Variants in GRID2 observed in about 807,000 individuals in gnomAD.
GRID2 encodes glutamate ionotropic receptor delta type subunit 2.
In GRID2, 33 loss-of-function variants were observed where a neutral mutation model predicts 114.8. The ratio of observed to expected loss-of-function variants is 0.29; its 90% CI spans 0.22 to 0.38. The LOEUF (loss-of-function observed/expected upper bound fraction) is 0.38, where lower values mean the gene tolerates loss of function less well. GRID2 is among the 10% of genes least tolerant of loss of function. GRID2 has a pLI of 1.00. For missense variants in GRID2, 1,184 were observed against 1,257.7 expected, an observed-to-expected ratio of 0.94 and a Z score of 0.89; for synonymous variants, 505 against 449.9, an observed-to-expected ratio of 1.12 and a Z score of -1.55.
chr4:93,438,999 A>G (rs1195630986), intron 10 of GRID2, among the ~76,000 whole-genome samples: 1 of 152,104 alleles, frequency 6.6e-6, no homozygotes, highest in African/African-American at 2.4e-5. Flanking sequence ...ATGTCCCTAC[A>G]AAGGACATGA....
intron 2 of GRID2, among the ~76,000 whole-genome samples, chr4:92,766,347 G>A (rs1398662817): frequency 1.3e-5 from 2 of 151,946 alleles, no homozygotes; most frequent in Non-Finnish European, 2.9e-5. Context: ...GGCCATCCTG[G>A]CTAACATGGT....
intron 2 of GRID2, among the ~76,000 whole-genome samples, chr4:92,835,191 T>TAA (rs33949803): frequency 6.8e-6 from 1 of 146,900 alleles, no homozygotes. Flanking sequence ...CTGAAAGAGG[T>TAA]AAAAAAAAAA....
intron 14 of GRID2, among the ~76,000 whole-genome samples, chr4:93,635,825 C>T (rs904414996): frequency 2.6e-5 from 4 of 151,992 alleles, no homozygotes; most frequent in African/African-American, 9.7e-5. Flanking sequence ...AGTGATATTT[C>T]CAGTATGTGA....
At chr4:92,962,602 G>C (rs1270632418) in intron 2 of GRID2, among the ~76,000 whole-genome samples, 2 of 151,922 alleles carry the variant, frequency 1.3e-5, no homozygotes, top group African/African-American at 4.8e-5. Flanking sequence ...ACATTGTGAA[G>C]AAGAAAAGAA....
intron 10 of GRID2, among the ~76,000 whole-genome samples, chr4:93,453,528 G>A (rs1237178591): frequency 6.6e-6 from 1 of 151,930 alleles, no homozygotes; most frequent in Non-Finnish European, 1.5e-5. Context: ...AATAAATAGT[G>A]TAGCACATAC....
At chr4:92,833,972 A>T (rs1223232027) in intron 2 of GRID2, 3 of 152,208 alleles carry the variant, frequency 2.0e-5, no homozygotes, top group Non-Finnish European at 2.9e-5. Context: ...TTTCACAGAT[A>T]CCTGTTGAAA....
chr4:93,652,481 G>T (rs1722663423), intron 14 of GRID2, among the ~76,000 whole-genome samples: 1 of 152,034 alleles, frequency 6.6e-6, no homozygotes, highest in Non-Finnish European at 1.5e-5. Context: ...CTATCATTGT[G>T]TTACAATTGC....
At chr4:92,695,867 T>A (rs1734401968) in intron 2 of GRID2, among the ~76,000 whole-genome samples, 1 of 152,158 alleles carries the variant, frequency 6.6e-6, no homozygotes, top group South Asian at 2.1e-4. Context: ...TCTGAAATCA[T>A]ACCCTGTAAG....
chr4:93,744,574 T>A (rs1731684768), intron 14 of GRID2, among the ~76,000 whole-genome samples: 1 of 152,174 alleles, frequency 6.6e-6, no homozygotes, highest in Non-Finnish European at 1.5e-5. Context: ...AATCTCATGA[T>A]AAAACTTGAA....
At chr4:92,642,924 C>T (rs1731430022) in intron 2 of GRID2, among the ~76,000 whole-genome samples, 1 of 151,446 alleles carries the variant, frequency 6.6e-6, no homozygotes, top group Non-Finnish European at 1.5e-5. Context: ...GGGTGTGGGG[C>T]TTTATTTCTG....
intron 2 of GRID2, among the ~76,000 whole-genome samples, chr4:93,002,428 G>T (rs1381104560): frequency 6.6e-6 from 1 of 151,288 alleles, no homozygotes; most frequent in Non-Finnish European, 1.5e-5. Flanking sequence ...TAGTTGATGG[G>T]CCGATGACTT....
chr4:93,392,155 G>A (rs1560573190), intron 8 of GRID2, among the ~76,000 whole-genome samples: 1 of 152,016 alleles, frequency 6.6e-6, no homozygotes, highest in East Asian at 1.9e-4. Flanking sequence ...CATCTTTATT[G>A]TTTTTTATTT....
At chr4:93,619,553 C>A (rs148357316) in intron 13 of GRID2, among the ~76,000 whole-genome samples, 9 of 152,124 alleles carry the variant, frequency 5.9e-5, no homozygotes, top group Non-Finnish European at 1.0e-4. Context: ...TATTCTCAGG[C>A]CTTTTCATTT....
chr4:92,651,822 A>T (rs1172702479), intron 2 of GRID2, among the ~76,000 whole-genome samples: 1 of 152,082 alleles, frequency 6.6e-6, no homozygotes, highest in Non-Finnish European at 1.5e-5. Flanking sequence ...TATGTCCCAG[A>T]GTGGGGTTGT....
At chr4:92,856,764 A>G (rs1170230833) in intron 2 of GRID2, among the ~76,000 whole-genome samples, 10 of 152,180 alleles carry the variant, frequency 6.6e-5, no homozygotes, top group Non-Finnish European at 1.5e-5. Flanking sequence ...AGTTGGTTTT[A>G]TGTACGGACA....
At chr4:93,367,993 C>A (rs1217685378) in intron 8 of GRID2, among the ~76,000 whole-genome samples, 3 of 152,048 alleles carry the variant, frequency 2.0e-5, no homozygotes, top group African/African-American at 7.2e-5. Context: ...AGAGAAAAAC[C>A]AGTGAAACAA....
intron 2 of GRID2, among the ~76,000 whole-genome samples, chr4:92,663,373 A>C (rs2149270647): frequency 6.6e-6 from 1 of 151,356 alleles, no homozygotes; most frequent in South Asian, 2.1e-4. Flanking sequence ...GGTTAGAGAT[A>C]ATATTGTTTT....
chr4:92,921,411 G>A (rs926720595), intron 2 of GRID2, among the ~76,000 whole-genome samples: 20 of 152,170 alleles, frequency 1.3e-4, no homozygotes, highest in Non-Finnish European at 2.8e-4. Flanking sequence ...TTCCTTTGAA[G>A]GAGGAGAGGC....
intron 2 of GRID2, among the ~76,000 whole-genome samples, chr4:92,977,552 C>G (rs954320553): frequency 6.6e-6 from 1 of 152,060 alleles, no homozygotes; most frequent in Non-Finnish European, 1.5e-5. Context: ...AAATGGGAAT[C>G]CTCTAAAGAT....
Sources: gnomAD v4.1 joint callset for allele counts (sites outside exome capture counted in the v4.1 genomes callset) on GRCh38, gnomAD v4.1.1 for gene constraint, MANE v1.5 for transcripts, NCBI Gene and HGNC (gene_info 2026-07-23, HGNC 2026-07-21) for gene names.